Variants in PTPRG observed in about 807,000 individuals in gnomAD.
PTPRG encodes receptor-type tyrosine-protein phosphatase gamma.
Under a neutral mutation model 165.3 loss-of-function variants are expected in PTPRG, and 102 were observed. That is an observed-to-expected ratio of 0.62 (90% confidence interval 0.53 to 0.73). PTPRG has a LOEUF of 0.73. Among genes scored for constraint, PTPRG ranks in the 30% least tolerant of loss-of-function variants. The probability of loss-of-function intolerance (pLI) is 0.00; values close to 1 mark genes in which losing one functional copy is unlikely to be tolerated. For missense variants in PTPRG, 1,866 were observed against 1,861.4 expected, an observed-to-expected ratio of 1.00 and a Z score of -0.05; for synonymous variants, 675 against 669.5, an observed-to-expected ratio of 1.01 and a Z score of -0.13.
chr3:61,703,656 T>C (rs1559564716), intron 1 of PTPRG, among the ~76,000 whole-genome samples: 1 of 152,210 alleles, frequency 6.6e-6, no homozygotes, highest in Non-Finnish European at 1.5e-5. Context: ...CAGTGAAACT[T>C]CACCTTTTCT....
At chr3:62,191,389 G>C (rs1699814718) in intron 8 of PTPRG, 80 bp from the exon 9 acceptor site, 1 of 1,360,166 alleles carries the variant, frequency 7.4e-7, no homozygotes, top group South Asian at 1.4e-5. Flanking sequence ...TCAACTTTTT[G>C]AGGCTGCAGT....
chr3:62,185,844 T>C (rs1404101022), intron 8 of PTPRG, among the ~76,000 whole-genome samples: 1 of 152,204 alleles, frequency 6.6e-6, no homozygotes, highest in African/African-American at 2.4e-5. Flanking sequence ...AGGAAGATAA[T>C]TGCTAGACCC....
chr3:61,826,927 TA>T (rs2036130428), intron 2 of PTPRG, among the ~76,000 whole-genome samples: 1 of 150,966 alleles, frequency 6.6e-6, no homozygotes, highest in South Asian at 2.1e-4. Context: ...CTTCTAGAAA[TA>T]TTTTTAGCTC....
At chr3:61,931,598 G>C (rs891297068) in intron 2 of PTPRG, among the ~76,000 whole-genome samples, 1 of 152,254 alleles carries the variant, frequency 6.6e-6, no homozygotes, top group South Asian at 2.1e-4. Flanking sequence ...TGTCCTCTTA[G>C]AGCTGCCTTC....
At chr3:62,248,094 A>G (rs1491963) in intron 15 of PTPRG, among the ~76,000 whole-genome samples, 20,662 of 152,086 alleles carry the variant, frequency 0.14, 1,635 homozygotes, top group Non-Finnish European at 0.18. Context: ...GTGAATATAT[A>G]TGGTGGTTGA....
chr3:61,582,008 C>T (rs1416282057), intron 1 of PTPRG, among the ~76,000 whole-genome samples: 2 of 152,008 alleles, frequency 1.3e-5, no homozygotes, highest in Non-Finnish European at 2.9e-5. Flanking sequence ...TGCTCTAACA[C>T]CCAGGCTGGA....
intron 25 of PTPRG, 24 bp from the exon 26 acceptor site, chr3:62,277,527 T>C: frequency 6.3e-7 from 1 of 1,594,708 alleles, no homozygotes; most frequent in Non-Finnish European, 8.5e-7. Flanking sequence ...TATTCACTGA[T>C]TTTTTTTGTC....
intron 2 of PTPRG, among the ~76,000 whole-genome samples, chr3:61,882,873 A>G (rs926338254): frequency 6.6e-6 from 1 of 152,306 alleles, no homozygotes; most frequent in African/African-American, 2.4e-5. Flanking sequence ...AATCTCCTTC[A>G]GTATTCAGCC....
chr3:61,816,675 G>A (rs1259599129), intron 2 of PTPRG, among the ~76,000 whole-genome samples: 2 of 152,042 alleles, frequency 1.3e-5, no homozygotes, highest in Admixed American at 6.6e-5. Flanking sequence ...TATTCAAATT[G>A]TTTATGGAGT....
intron 1 of PTPRG, among the ~76,000 whole-genome samples, chr3:61,697,979 C>G (rs892554329): frequency 1.3e-5 from 2 of 152,132 alleles, no homozygotes; most frequent in African/African-American, 2.4e-5. Context: ...TGCGTTTATT[C>G]CCATTAGACC....
intron 5 of PTPRG, among the ~76,000 whole-genome samples, chr3:62,083,604 A>T (rs1224933100): frequency 6.6e-6 from 1 of 152,222 alleles, no homozygotes; most frequent in Non-Finnish European, 1.5e-5. Flanking sequence ...AAAAACTGTA[A>T]TTCACAGAAC....
At chr3:61,815,471 C>T (rs1199360842) in intron 2 of PTPRG, among the ~76,000 whole-genome samples, 4 of 151,978 alleles carry the variant, frequency 2.6e-5, no homozygotes, top group Non-Finnish European at 4.4e-5. Context: ...TTGGCTTTAA[C>T]CCTGTTTCCA....
chr3:61,583,910 TTCAA>T (rs1317896812), intron 1 of PTPRG, among the ~76,000 whole-genome samples: 1 of 152,186 alleles, frequency 6.6e-6, no homozygotes, highest in East Asian at 1.9e-4. Flanking sequence ...TTGGGTCATT[TTCAA>T]TCAAAGGGCA....
intron 1 of PTPRG, among the ~76,000 whole-genome samples, chr3:61,589,620 A>G (rs1700518359): frequency 6.6e-6 from 1 of 151,942 alleles, no homozygotes; most frequent in Admixed American, 6.6e-5. Flanking sequence ...CAGGTGGTTG[A>G]TGGGGTGGGG....
chr3:62,098,516 A>G lies in PTPRG; in HGVS notation c.615+20258A>G, dbSNP rs6765328. 8.8e-3 allele frequency among the ~76,000 whole-genome samples: 1,343 copies of G among 152,224 alleles called. 17 individuals carry two copies. Among genetic ancestry groups the G allele is most frequent in the African/African-American group, 0.026 (1,074 of 41,518 alleles). ...ACTGTGGGCAAATAAGGCATTGTCA[A>G]TTTTATCCCACCCTCCACCTTGGCC... On this transcript the variant is annotated intron_variant, in intron 5 of 29. Transcript: ENST00000474889.
chr3:62,042,302 TCAC>T (rs1457830289), intron 4 of PTPRG, among the ~76,000 whole-genome samples: 1 of 152,188 alleles, frequency 6.6e-6, no homozygotes, highest in Non-Finnish European at 1.5e-5. Flanking sequence ...AACCTGGGCT[TCAC>T]CAGTAGGATC....
At chr3:61,745,453 C>T (rs2033162152) in intron 1 of PTPRG, among the ~76,000 whole-genome samples, 2 of 152,242 alleles carry the variant, frequency 1.3e-5, no homozygotes, top group South Asian at 4.1e-4. Context: ...TTCCAGGGAG[C>T]TTAGAGCCCT....
intron 1 of PTPRG, among the ~76,000 whole-genome samples, chr3:61,737,651 G>A (rs748449852): frequency 6.6e-6 from 1 of 152,098 alleles, no homozygotes; most frequent in Non-Finnish European, 1.5e-5. Context: ...GAGAGTTTTG[G>A]AATGAGGTCC....
intron 2 of PTPRG, among the ~76,000 whole-genome samples, chr3:61,926,929 A>T (rs1240909277): frequency 4.6e-5 from 7 of 152,154 alleles, no homozygotes; most frequent in Admixed American, 1.3e-4. Context: ...AAGAAAAAAA[A>T]AATCTGTACA....
Sources: gnomAD v4.1 joint callset for allele counts (sites outside exome capture counted in the v4.1 genomes callset) on GRCh38, gnomAD v4.1.1 for gene constraint, MANE v1.5 for transcripts, NCBI Gene and HGNC (gene_info 2026-07-23, HGNC 2026-07-21) for gene names.